ST8SIA2: variants seen among roughly 807,000 people sequenced by gnomAD.
ST8SIA2 encodes ST8 alpha-N-acetyl-neuraminide alpha-2,8-sialyltransferase 2.
A neutral mutation model predicts 37.6 loss-of-function variants in ST8SIA2; 22 were observed. That is an observed-to-expected ratio of 0.58 (90% CI 0.42 to 0.83). The LOEUF (loss-of-function observed/expected upper bound fraction) is 0.83. Ranked by LOEUF, ST8SIA2 falls within the 40% of genes least tolerant of loss-of-function variation. The pLI is 0.00. For synonymous variants in ST8SIA2, 205 were observed against 201.2 expected (o/e 1.02, Z -0.16); for missense variants, 382 against 484.7 (o/e 0.79, Z 1.99).
chr15:92,430,283 C>T (rs548534056), intron 2 of ST8SIA2, among the ~76,000 whole-genome samples, 172 bp downstream of exon 2: 6 of 152,296 alleles, frequency 3.9e-5, no homozygotes, highest in South Asian at 4.1e-4. Flanking sequence ...TGGAAGATCA[C>T]ATGAAATGGC....
intron 1 of ST8SIA2, chr15:92,422,827 C>G (rs1001189435): frequency 6.6e-6 from 1 of 152,604 alleles, no homozygotes. Context: ...CAGTCAAGCA[C>G]TTGTCAGCTG....
intron 1 of ST8SIA2, among the ~76,000 whole-genome samples, chr15:92,421,737 G>A (rs926880860): frequency 6.6e-6 from 1 of 152,222 alleles, no homozygotes; most frequent in Non-Finnish European, 1.5e-5. Flanking sequence ...AAGGTAGAAG[G>A]TAAGTTCCTA....
intron 1 of ST8SIA2, among the ~76,000 whole-genome samples, chr15:92,403,281 G>A (rs1183559867): frequency 1.3e-5 from 2 of 152,080 alleles, no homozygotes; most frequent in African/African-American, 4.8e-5. Context: ...GGTCCATCTG[G>A]TCTTAGCCAC....
rs113179476 is a variant in ST8SIA2, at chr15:92,406,854, C to T, written c.98+12692C>T. Among the ~76,000 whole-genome samples the T allele has an allele frequency of 8.4e-3, 1,283 of 151,992 alleles. 16 individuals are homozygous for T. The highest frequency in any genetic ancestry group is 0.029 in the African/African-American group (1,211 of 41,482). Reference sequence around the variant, plus strand: ...TACAAAAATACAAAAATTAGCTGGGCGTGGTGGTGTGCGCCTGTAATCTCA... The same window carrying T: ...TACAAAAATACAAAAATTAGCTGGGTGTGGTGGTGTGCGCCTGTAATCTCA... On this transcript the variant is annotated intron_variant, in intron 1 of 5. Coordinates refer to ENST00000268164, the MANE Select transcript of ST8SIA2 (RefSeq NM_006011.4).
intron 1 of ST8SIA2, among the ~76,000 whole-genome samples, chr15:92,428,538 G>C (rs1333305114): frequency 6.6e-6 from 1 of 152,170 alleles, no homozygotes; most frequent in African/African-American, 2.4e-5. Flanking sequence ...AGTGACCCAC[G>C]GGCCATAGCA....
At chr15:92,464,060 CAT>C (rs1478820977) in intron 5 of ST8SIA2, 38 bp from the exon 6 acceptor site, 1 of 1,512,692 alleles carries the variant, frequency 6.6e-7, no homozygotes, top group Non-Finnish European at 8.8e-7. Context: ...CTCACAGACC[CAT>C]GTTTCTTTTC....
chr15:92,419,481 A>G (rs1354256919), intron 1 of ST8SIA2, among the ~76,000 whole-genome samples: 1 of 152,216 alleles, frequency 6.6e-6, no homozygotes, highest in Non-Finnish European at 1.5e-5. Context: ...CTCCCACAGC[A>G]ACGCAGAGAT....
At position 92,464,484 on chromosome 15, in the gene ST8SIA2, A is replaced by G; in HGVS notation, c.*99A>G. 2 of 1,381,468 alleles carry G rather than the reference A, an allele frequency of 1.4e-6. No individual in the cohort carries two copies. The highest frequency in any genetic ancestry group is 3.4e-5 in the Admixed American group (2 of 59,098). 85.6% of individuals were successfully genotyped at this position (1,381,468 alleles called of 1,614,324 possible). ...GCACAAACAATAGAACAAGCAGGCT[A>G]GTGGTTTTCTTTGTTAAAGTGTAAA... On this transcript the variant is annotated 3_prime_UTR_variant, in exon 6 of 6. Coordinates refer to ENST00000268164, the MANE Select transcript of ST8SIA2 (RefSeq NM_006011.4).
intron 4 of ST8SIA2, among the ~76,000 whole-genome samples, chr15:92,442,241 C>T (rs937899774): frequency 5.3e-5 from 8 of 152,188 alleles, no homozygotes; most frequent in Admixed American, 5.2e-4. Flanking sequence ...CCCTGCCTGC[C>T]TCTTCTTGTG....
intron 5 of ST8SIA2, among the ~76,000 whole-genome samples, chr15:92,456,523 G>T (rs938881560): frequency 1.3e-5 from 2 of 152,224 alleles, no homozygotes; most frequent in Non-Finnish European, 2.9e-5. Context: ...AGTAATTCCA[G>T]TGTAGCGTGA....
intron 1 of ST8SIA2, among the ~76,000 whole-genome samples, chr15:92,395,201 G>A (rs1327409781): frequency 6.6e-6 from 1 of 152,244 alleles, no homozygotes; most frequent in African/African-American, 2.4e-5. Flanking sequence ...TGGGCAAGGG[G>A]AAGGTGAGGT....
chr15:92,412,288 G>A (rs944690207), intron 1 of ST8SIA2, among the ~76,000 whole-genome samples: 110 of 150,516 alleles, frequency 7.3e-4, no homozygotes, highest in African/African-American at 2.6e-3. Flanking sequence ...AGGAAGGGGG[G>A]AGAGGTTCAA....
chr15:92,463,767 G>C (rs1356735145), intron 5 of ST8SIA2, among the ~76,000 whole-genome samples: 1 of 152,238 alleles, frequency 6.6e-6, no homozygotes, highest in Non-Finnish European at 1.5e-5. Flanking sequence ...CCACGGGCCT[G>C]AGTTCAAGTC....
At chr15:92,426,526 C>T (rs747342808) in intron 1 of ST8SIA2, among the ~76,000 whole-genome samples, 10 of 152,014 alleles carry the variant, frequency 6.6e-5, no homozygotes, top group Non-Finnish European at 1.0e-4. Flanking sequence ...CCCAAATCAG[C>T]GAGATTTGAG....
At chr15:92,406,228 A>G (rs928819039) in intron 1 of ST8SIA2, among the ~76,000 whole-genome samples, 1 of 152,194 alleles carries the variant, frequency 6.6e-6, no homozygotes, top group Admixed American at 6.5e-5. Context: ...GAGCATCACA[A>G]TCACCTCGAG....
chr15:92,409,006 G>A (rs927677882), intron 1 of ST8SIA2, among the ~76,000 whole-genome samples: 2 of 152,158 alleles, frequency 1.3e-5, no homozygotes, highest in Admixed American at 1.3e-4. Flanking sequence ...GCCCAGCTGA[G>A]TACCGTCTTA....
chr15:92,435,476 G>C (rs1408757376), intron 3 of ST8SIA2, among the ~76,000 whole-genome samples: 1 of 152,128 alleles, frequency 6.6e-6, no homozygotes, highest in African/African-American at 2.4e-5. Context: ...GACCAGACGG[G>C]GAATGATTGA....
At chr15:92,441,941 T>G (rs1265496992) in intron 4 of ST8SIA2, among the ~76,000 whole-genome samples, 2 of 152,148 alleles carry the variant, frequency 1.3e-5, no homozygotes, top group African/African-American at 4.8e-5. Context: ...TGCAGAGTAC[T>G]CTTCAATGTG....
At chr15:92,408,812 T>A (rs2049528536) in intron 1 of ST8SIA2, among the ~76,000 whole-genome samples, 1 of 151,882 alleles carries the variant, frequency 6.6e-6, no homozygotes, top group African/African-American at 2.4e-5. Context: ...TTCAAGCAAT[T>A]CTCCTGCCTC....
Sources: allele counts gnomAD v4.1 joint callset (sites outside exome capture counted in the v4.1 genomes callset), GRCh38; gene constraint gnomAD v4.1.1; transcripts MANE v1.5; gene names NCBI Gene and HGNC (gene_info 2026-07-23, HGNC 2026-07-21).